TNS2: variants seen among roughly 807,000 people sequenced by gnomAD.
TNS2 encodes tensin 2.
TNS2 carries 77 observed loss-of-function variants against 155.7 expected under a neutral mutation model. The observed-to-expected ratio is 0.49, with a 90% CI of 0.41 to 0.60. The LOEUF (loss-of-function observed/expected upper bound fraction) is 0.60. Among genes scored for constraint, TNS2 ranks in the 20% least tolerant of loss-of-function variants. The probability of loss-of-function intolerance (pLI) is 0.00; values close to 1 mark genes in which losing one functional copy is unlikely to be tolerated. For synonymous variants in TNS2, 726 were observed against 763.9 expected (o/e 0.95, Z 0.82); for missense variants, 1,703 against 1,868.8 (o/e 0.91, Z 1.64).
At chr12:53,061,766 C>T (rs868637736) in intron 21 of TNS2, 49 bp from the exon 22 acceptor site, 1 of 1,582,940 alleles carries the variant, frequency 6.3e-7, no homozygotes, top group African/African-American at 1.3e-5. Flanking sequence ...GGGCTCAGTC[C>T]ACCCCTGTGA....
chr12:53,050,582 A>AT lies in TNS2; in HGVS notation c.75+322_75+323insT. ...ATGCGCTATCCAGGTATCCTCCAGC[A>AT]GGCTCAGAGATCATCAGGCCCCTTC... On this transcript the variant is annotated intron_variant, in intron 1 of 28. Transcript: ENST00000314250. This position sits in a 1 kb window ranked among gnomAD's most constrained non-coding sequence, Gnocchi z 4.7. 6.6e-6 allele frequency among the ~76,000 whole-genome samples: 1 copy of AT among 152,072 alleles called. No homozygotes were observed.
At position 53,060,461 on chromosome 12, in the gene TNS2, C is replaced by G. The variant is rs771164737; in HGVS notation, c.2674C>G (p.Arg892Gly). The G allele has an allele frequency of 4.3e-6, 7 of 1,613,712 alleles. No homozygotes were observed. The highest frequency in any genetic ancestry group is 3.3e-5 in the South Asian group (3 of 91,084). ...CCCCAGTGGGCACAGCACACTGCCTCGGTCTCCCCGAGATGCCCCATGCAG... is the reference window on the plus strand; with the variant it reads ...CCCCAGTGGGCACAGCACACTGCCTGGGTCTCCCCGAGATGCCCCATGCAG... ...EGPSGHSTLP[R>G]SPRDAPCSAS... The change falls in exon 19 of 29, where the codon CGG becomes GGG. Residue 892 changes from arginine (R) to glycine (G), a missense_variant. Physicochemically the swap from Arg to Gly is moderately radical, Grantham distance 125. Coordinates refer to ENST00000314250, the MANE Select transcript of TNS2 (RefSeq NM_170754.4). This position sits in a 1 kb window ranked among gnomAD's most constrained non-coding sequence, Gnocchi z 6.1.
upstream of TNS2, chr12:53,049,022 G>T: frequency 1.5e-6 from 1 of 661,806 alleles, no homozygotes; most frequent in Admixed American, 3.4e-5. Flanking sequence ...AAGACTCCCA[G>T]GCCATTAACC....
rs1231679273 is a variant in TNS2 at position 53,059,536 on chromosome 12, G to A, written c.1895G>A (p.Gly632Asp). ...GGGGGCTATGAGGGATCCCCCCAGG[G>A]CTACGCCGAGGCCTCGATGGAGAAG... ...AYGGYEGSPQ[G>D]YAEASMEKRR... The change falls in exon 18 of 29, where the codon GGC becomes GAC. Residue 632 changes from glycine to aspartate, a missense_variant. Gly to Asp is a moderately conservative substitution (Grantham distance 94, BLOSUM62 -1). Coordinates refer to ENST00000314250, the MANE Select transcript of TNS2 (RefSeq NM_170754.4). The surrounding 1 kb of genome is among the most constrained non-coding windows in gnomAD (Gnocchi z 4.7). The A allele has an allele frequency of 3.1e-6, 5 of 1,591,034 alleles. No individual in the cohort carries two copies. The highest frequency in any genetic ancestry group is 2.2e-5 in the East Asian group (1 of 44,756).
rs750887029 is a variant in TNS2, at chr12:53,062,205, AG to A, written c.3631del (p.Val1211Ter). ...RHFLIETGPKGVKIKGCPSEP... is the reference protein window; with the variant it reads ...RHFLIETGPKXVKIKGCPSEP... Reference sequence around the variant, plus strand: ...ATTTCCTCATCGAGACTGGGCCCAAAGGGGTGAAGATCAAGGGCTGCCCCAG... The same window carrying A: ...ATTTCCTCATCGAGACTGGGCCCAAAGGGTGAAGATCAAGGGCTGCCCCAG... On this transcript the variant is annotated frameshift_variant, in exon 23 of 29. Transcript: ENST00000314250. LOFTEE classifies it high-confidence loss of function. 1 of 1,614,034 alleles carries A rather than the reference AG, an allele frequency of 6.2e-7. No homozygotes were observed. The highest frequency in any genetic ancestry group is 8.5e-7 in the Non-Finnish European group (1 of 1,180,002).
rs770342001 is a variant in TNS2, at chr12:53,058,869, C to T, written c.1405+42C>T. ...CAGGGTGGGAGGTACAGGGTTGTGG[C>T]GGGACCCTGGGGGGTGGTGCCAGGG... On this transcript the variant is annotated intron_variant, in intron 17 of 28. Coordinates refer to ENST00000314250, the MANE Select transcript of TNS2 (RefSeq NM_170754.4). 10 of 1,602,256 alleles carry T rather than the reference C, an allele frequency of 6.2e-6. No homozygotes were observed. In the Admixed American group the frequency reaches 6.7e-5, roughly 11 times the overall value.
chr12:53,062,363 T>G lies in TNS2; in HGVS notation c.3668-13T>G. The G allele has an allele frequency of 1.9e-6, 3 of 1,613,790 alleles. No homozygotes were observed. Among genetic ancestry groups the G allele is most frequent in the Non-Finnish European group, 2.5e-6 (3 of 1,179,858 alleles). On this transcript the variant is annotated splice_polypyrimidine_tract_variant and intron_variant, in intron 23 of 28. Transcript: ENST00000314250. Reference sequence around the variant, plus strand: ...CTGGGCATCTCGGGACTTTCCTACCTCCTCTCCCACAGGCAGCCTGTCCGC... The same window carrying G: ...CTGGGCATCTCGGGACTTTCCTACCGCCTCTCCCACAGGCAGCCTGTCCGC...
chr12:53,057,811 C>T lies in TNS2; in HGVS notation c.997C>T (p.Leu333Phe). 1 of 1,614,002 alleles carries T rather than the reference C, an allele frequency of 6.2e-7. No individual in the cohort carries two copies. Among genetic ancestry groups the T allele is most frequent in the Non-Finnish European group, 8.5e-7 (1 of 1,180,034 alleles). The change falls in exon 13 of 29, where the codon CTT (leucine) becomes TTT (phenylalanine). Residue 333 changes from leucine to phenylalanine, a missense_variant. Transcript: ENST00000314250. ...PFLKIYQSMQLVYTSGVYHIA... is the reference protein window; with the variant it reads ...PFLKIYQSMQFVYTSGVYHIA... ...CCTTAAAATCTACCAGTCCATGCAGCTTGTCTACACATCTGGAGTCTAGTG... is the reference window on the plus strand; with the variant it reads ...CCTTAAAATCTACCAGTCCATGCAGTTTGTCTACACATCTGGAGTCTAGTG...
chr12:53,053,651 C>G, intron 4 of TNS2, 123 bp from the exon 5 acceptor site: 1 of 1,472,710 alleles, frequency 6.8e-7, no homozygotes, highest in Non-Finnish European at 9.2e-7. Flanking sequence ...GGACTCCTCT[C>G]CCCTTATCCA....
At position 53,059,185 on chromosome 12, in the gene TNS2, A is replaced by T. The variant is rs144300441; in HGVS notation, c.1544A>T (p.His515Leu). 6.3e-7 allele frequency: 1 copy of T among 1,599,044 alleles called. No homozygotes were observed. Among genetic ancestry groups the T allele is most frequent in the South Asian group, 1.1e-5 (1 of 90,316 alleles). Residue 515 changes from histidine to leucine, a missense_variant, in exon 18 of 29, where the codon CAT becomes CTT. By Grantham distance (99) the His-to-Leu change is moderately conservative. Transcript: ENST00000314250. This position sits in a 1 kb window ranked among gnomAD's most constrained non-coding sequence, Gnocchi z 4.7. ...PMLSVSSDSG[H>L]SSTLTTEPAA... ...CTCTCTGTCAGCAGCGACTCAGGCC[A>T]TTCCTCCACGCTGACCACAGAGCCG...
In TNS2 at chr12:53,062,630, A is replaced by G. The variant is rs1944419683; in HGVS notation, c.3756A>G (p.Glu1252=). ...CLRIPSKDPL[E]ETPEAPVPTN... is the part of the protein sequence containing the mutation. ...TCTCATTGCCCTCAGATCCTCTGGA[A>G]GAGACCCCAGAGGCTCCAGTGCCCA... is the stretch of plus-strand genomic sequence containing the variant. The change falls in exon 25 of 29, where the codon GAA becomes GAG. Residue 1252 remains glutamate (E), a synonymous_variant. Transcript: ENST00000314250. The G allele has an allele frequency of 6.2e-7, 1 of 1,613,890 alleles. No homozygotes were observed. The highest frequency in any genetic ancestry group is 8.5e-7 in the Non-Finnish European group (1 of 1,179,936).
chr12:53,055,063 C>T, intron 7 of TNS2, 123 bp from the exon 8 acceptor site: 5 of 1,114,374 alleles, frequency 4.5e-6, no homozygotes, highest in Non-Finnish European at 6.7e-6. Flanking sequence ...GGGTTATAGG[C>T]GTGAGTTACT....
Position 53,058,039 on chromosome 12 carries a change from C to T in TNS2, c.1032C>T (p.Gly344=), listed in dbSNP as rs1449659253. The part of the protein sequence containing the change: ...VYTSGVYHIA[G]PGPQQLCISL... Reference sequence around the variant, plus strand: ...TCTCTCCCCACAGTCACATTGCAGGCCCTGGTCCCCAGCAGCTTTGCATCA... The same window carrying T: ...TCTCTCCCCACAGTCACATTGCAGGTCCTGGTCCCCAGCAGCTTTGCATCA... Residue 344 remains glycine (G), a synonymous_variant, in exon 14 of 29, where the codon GGC becomes GGT. Transcript: ENST00000314250. 3.1e-6 allele frequency: 5 copies of T among 1,614,046 alleles called. No homozygotes were observed. The highest frequency in any genetic ancestry group is 3.3e-5 in the Admixed American group (2 of 60,012).
At chr12:53,056,021 T>C (rs754525829) in intron 10 of TNS2, 176 bp downstream of exon 10, 10 of 665,724 alleles carry the variant, frequency 1.5e-5, no homozygotes, top group Admixed American at 3.1e-5. Context: ...GCAGATGGTC[T>C]GTAGAGTTTC....
rs1944304713 is a variant in TNS2, at chr12:53,059,632, G to T, written c.1991G>T (p.Gly664Val). 6.2e-7 allele frequency: 1 copy of T among 1,613,184 alleles called. No individual in the cohort carries two copies. Among genetic ancestry groups the T allele is most frequent in the African/African-American group, 1.3e-5 (1 of 74,892 alleles). Residue 664 changes from glycine (G) to valine (V), a missense_variant, in exon 18 of 29, where the codon GGG becomes GTG. By Grantham distance (109) the Gly-to-Val change is moderately radical (BLOSUM62 -3). Transcript: ENST00000314250. This position sits in a 1 kb window ranked among gnomAD's most constrained non-coding sequence, Gnocchi z 4.7. ...YPPEMGKPATGDFGYRAPGYR... is the reference protein window; with the variant it reads ...YPPEMGKPATVDFGYRAPGYR... ...CCTGAGATGGGGAAACCAGCCACTG[G>T]GGACTTTGGCTACCGCGCCCCAGGC...
chr12:53,062,525 G>A, intron 24 of TNS2, 72 bp downstream of exon 24: 2 of 1,608,650 alleles, frequency 1.2e-6, no homozygotes, highest in South Asian at 1.1e-5. Flanking sequence ...CAGAGGTCTT[G>A]GCTCCCCGCC....
In TNS2 at chr12:53,060,908, C is replaced by G. The variant is rs1377630355; in HGVS notation, c.3002C>G (p.Pro1001Arg). The G allele has an allele frequency of 6.3e-7, 1 of 1,589,954 alleles. No individual in the cohort carries two copies. The highest frequency in any genetic ancestry group is 1.7e-5 in the Admixed American group (1 of 57,402). ...SPGGHSDGAS[P>R]RSPVPTTLPG... ...GGGGGCCACTCAGATGGCGCCAGTC[C>G]TCGGAGCCCTGTGCCCACCACACTT... The change falls in exon 20 of 29, where the codon CCT becomes CGT. Residue 1001 changes from proline to arginine, a missense_variant. Transcript: ENST00000314250. The surrounding 1 kb of genome is among the most constrained non-coding windows in gnomAD (Gnocchi z 6.1).
chr12:53,057,184 T>C, intron 11 of TNS2, 88 bp downstream of exon 11: 1 of 1,375,468 alleles, frequency 7.3e-7, no homozygotes, highest in Non-Finnish European at 1.0e-6. Context: ...CAGCACACTT[T>C]CACTGAGTGT....
At chr12:53,057,438 TG>T in intron 11 of TNS2, 128 bp from the exon 12 acceptor site, 1 of 781,182 alleles carries the variant, frequency 1.3e-6, no homozygotes, top group Non-Finnish European at 2.1e-6. Flanking sequence ...AAGAACTTTC[TG>T]GTGACCCGGA....
Sources: gnomAD v4.1 joint callset for allele counts (sites outside exome capture counted in the v4.1 genomes callset) on GRCh38, gnomAD v4.1.1 for gene constraint, Gnocchi (gnomAD v3.1) non-coding constraint, MANE v1.5 for transcripts, NCBI Gene and HGNC (gene_info 2026-07-23, HGNC 2026-07-21) for gene names.